Variants in ING3 observed in about 807,000 individuals in gnomAD.
The protein encoded by ING3 is inhibitor of growth protein 3.
Under a neutral mutation model 64.8 loss-of-function variants are expected in ING3, and 6 were observed. That is an observed-to-expected ratio of 0.09 (90% CI 0.05 to 0.18). ING3 has a LOEUF of 0.18. ING3 is among the 10% of genes least tolerant of loss of function. ING3 has a pLI of 1.00. For missense variants in ING3, 310 were observed against 489.7 expected (o/e 0.63, Z 3.46); for synonymous variants, 170 against 173.7 (o/e 0.98, Z 0.17).
intron 4 of ING3, among the ~76,000 whole-genome samples, chr7:120,961,348 C>CTT (rs1562974549): frequency 6.6e-6 from 1 of 152,214 alleles, no homozygotes; most frequent in East Asian, 1.9e-4. Context: ...ATTACTAGAC[C>CTT]TTTTCATGGT....
chr7:120,959,680 C>CT (rs1217826529), intron 4 of ING3, among the ~76,000 whole-genome samples: 7 of 112,748 alleles, frequency 6.2e-5, no homozygotes, highest in Admixed American at 2.4e-4. Flanking sequence ...GAGTCTCACT[C>CT]TTTCGCCCAA....
chr7:120,959,518 C>T (rs1252859292), intron 4 of ING3, among the ~76,000 whole-genome samples: 1 of 152,110 alleles, frequency 6.6e-6, no homozygotes, highest in African/African-American at 2.4e-5. Context: ...ACTACCCTCC[C>T]CTGCCCCATC....
chr7:120,974,936 C>A lies in ING3; in HGVS notation c.*92C>A. 1 of 835,448 alleles carries A rather than the reference C, an allele frequency of 1.2e-6. No individual in the cohort carries two copies. The highest frequency in any genetic ancestry group is 1.9e-6 in the Non-Finnish European group (1 of 537,406). The allele number at this position is 835,448 out of a possible 1,614,324, so 51.8% of individuals were successfully genotyped here. On this transcript the variant is annotated 3_prime_UTR_variant, in exon 12 of 12. Coordinates refer to ENST00000315870, the MANE Select transcript of ING3 (RefSeq NM_019071.3). ...AAGAGAAGAGAAAGAAGAAACAATGCATTTCCAGGCAACCACTTAAAGGAT... is the reference window on the plus strand; with the variant it reads ...AAGAGAAGAGAAAGAAGAAACAATGAATTTCCAGGCAACCACTTAAAGGAT...
At chr7:120,960,056 C>T (rs1305370819) in intron 4 of ING3, among the ~76,000 whole-genome samples, 1 of 152,066 alleles carries the variant, frequency 6.6e-6, no homozygotes, top group Non-Finnish European at 1.5e-5. Flanking sequence ...GAATAACTGG[C>T]GAAGGCTGTT....
At chr7:120,972,521 T>TA (rs1403674141) in intron 10 of ING3, among the ~76,000 whole-genome samples, 1 of 152,066 alleles carries the variant, frequency 6.6e-6, no homozygotes, top group Non-Finnish European at 1.5e-5. Flanking sequence ...TCTGTAACAC[T>TA]AAAAAACTAG....
At chr7:120,956,255 C>G in intron 4 of ING3, 1 of 1,551,580 alleles carries the variant, frequency 6.4e-7, no homozygotes, top group South Asian at 1.2e-5. Flanking sequence ...TCATTTGAAA[C>G]ATCTTCTCCT....
At chr7:120,972,608 T>A (rs1158722189) in intron 10 of ING3, among the ~76,000 whole-genome samples, 1 of 152,166 alleles carries the variant, frequency 6.6e-6, no homozygotes, top group Non-Finnish European at 1.5e-5. Flanking sequence ...AGAGAAGTTA[T>A]TTCTCTGCAT....
Position 120,966,742 on chromosome 7 carries a change from C to T in ING3, c.436+45C>T, listed in dbSNP as rs750012291. ...GCTAAGTTTTAAAAACAATGAAAAC[C>T]TTATTATATCACCTATATGTTCTCT... On this transcript the variant is annotated intron_variant, in intron 6 of 11. Transcript: ENST00000315870. The T allele has an allele frequency of 2.4e-6, 3 of 1,264,236 alleles. 1 individual carries two copies. The highest frequency in any genetic ancestry group is 2.4e-5 in the South Asian group (2 of 84,114). The allele number at this position is 1,264,236 out of a possible 1,614,324, so 78.3% of individuals were successfully genotyped here.
intron 4 of ING3, among the ~76,000 whole-genome samples, chr7:120,962,866 A>G (rs1046763854): frequency 4.6e-5 from 7 of 152,024 alleles, no homozygotes; most frequent in African/African-American, 1.4e-4. Context: ...TCTAGACTAT[A>G]TTTTTATCCC....
At position 120,973,877 on chromosome 7, in the gene ING3, T is replaced by A. The variant is rs181397375; in HGVS notation, c.1140+634T>A. 1.0e-3 allele frequency among the ~76,000 whole-genome samples: 156 copies of A among 152,312 alleles called. 4 individuals carry two copies. The highest frequency in any genetic ancestry group is 6.8e-3 in the Middle Eastern group (2 of 294). On this transcript the variant is annotated intron_variant, in intron 11 of 11. Coordinates refer to ENST00000315870, the MANE Select transcript of ING3 (RefSeq NM_019071.3). ...ATTTAGTAGTGACAGGATCCTAAGATTAACAAGAGTTTTAAATTTGTAAAA... is the reference window on the plus strand; with the variant it reads ...ATTTAGTAGTGACAGGATCCTAAGAATAACAAGAGTTTTAAATTTGTAAAA...
intron 11 of ING3, among the ~76,000 whole-genome samples, chr7:120,973,838 T>G (rs1035728948): frequency 2.0e-5 from 3 of 152,216 alleles, no homozygotes; most frequent in Admixed American, 6.5e-5. Context: ...TCTAGTAATT[T>G]TGACTCCCTC....
chr7:120,962,485 A>G (rs1240036509), intron 4 of ING3, among the ~76,000 whole-genome samples: 1 of 151,642 alleles, frequency 6.6e-6, no homozygotes, highest in Non-Finnish European at 1.5e-5. Flanking sequence ...ACATTTTCAT[A>G]TGTAGTGAAC....
intron 4 of ING3, among the ~76,000 whole-genome samples, chr7:120,959,714 C>G (rs1023371660): frequency 6.9e-6 from 1 of 145,252 alleles, no homozygotes; most frequent in Admixed American, 7.0e-5. Context: ...GGCGCTATCC[C>G]GGCTCACTGC....
At chr7:120,973,148 G>T in intron 10 of ING3, 57 bp from the exon 11 acceptor site, 1 of 875,088 alleles carries the variant, frequency 1.1e-6, no homozygotes, top group South Asian at 1.4e-5. Flanking sequence ...ACAGTTAATT[G>T]GTATCTAGGT....
intron 3 of ING3, among the ~76,000 whole-genome samples, chr7:120,954,912 A>G (rs144196610): frequency 3.8e-4 from 58 of 152,342 alleles, no homozygotes; most frequent in African/African-American, 1.3e-3. Context: ...TTTTAATGGA[A>G]TGCAAATGTA....
At chr7:120,960,554 G>A (rs1376979881) in intron 4 of ING3, among the ~76,000 whole-genome samples, 1 of 152,022 alleles carries the variant, frequency 6.6e-6, no homozygotes, top group Admixed American at 6.5e-5. Context: ...GCATTTTGTT[G>A]TATTTTTTCA....
intron 5 of ING3, among the ~76,000 whole-genome samples, chr7:120,965,186 C>T (rs1416020124): frequency 6.6e-6 from 1 of 152,206 alleles, no homozygotes; most frequent in Non-Finnish European, 1.5e-5. Context: ...TCTTTATACA[C>T]TTAAGCTTTG....
At chr7:120,968,149 C>G in intron 8 of ING3, 58 bp downstream of exon 8, 1 of 1,473,782 alleles carries the variant, frequency 6.8e-7, no homozygotes, top group Non-Finnish European at 9.3e-7. Context: ...CATTGGAAAC[C>G]TAATAGAAAT....
intron 9 of ING3, 135 bp from the exon 10 acceptor site, chr7:120,970,553 G>T: frequency 2.4e-6 from 2 of 830,046 alleles, no homozygotes; most frequent in South Asian, 1.9e-5. Flanking sequence ...TTAAGTCATT[G>T]GTAAATCCGG....
Sources: gnomAD v4.1 joint callset for allele counts (sites outside exome capture counted in the v4.1 genomes callset) on GRCh38, gnomAD v4.1.1 for gene constraint, MANE v1.5 for transcripts, NCBI Gene and HGNC (gene_info 2026-07-23, HGNC 2026-07-21) for gene names.